CHD4: variants seen among roughly 807,000 people sequenced by gnomAD.
CHD4 encodes the protein chromodomain helicase DNA binding protein 4, also known as ATP-dependent chromatin remodeler CHD4.
Under a neutral mutation model 235.5 loss-of-function variants are expected in CHD4, and 35 were observed. That is an observed-to-expected ratio of 0.15 (90% CI 0.11 to 0.20). CHD4 has a LOEUF of 0.20. Ranked by LOEUF, CHD4 falls within the 10% of genes least tolerant of loss-of-function variation. The pLI is 1.00. For missense variants in CHD4, 1,329 were observed against 2,432.3 expected (o/e 0.55, Z 9.54); for synonymous variants, 900 against 850.2 (o/e 1.06, Z -1.02).
At chr12:6,583,717 C>T (rs1436594135) in intron 25 of CHD4, 3 of 213,618 alleles carry the variant, frequency 1.4e-5, no homozygotes, top group Non-Finnish European at 2.7e-5. Context: ...AGAGCCTTAG[C>T]AAGGCAGAAT....
chr12:6,588,742 C>T (rs1948343674), intron 22 of CHD4, among the ~76,000 whole-genome samples: 1 of 150,700 alleles, frequency 6.6e-6, no homozygotes, highest in African/African-American at 2.5e-5. Flanking sequence ...TGCACCACTG[C>T]ACTTTAGCCT....
Position 6,602,021 on chromosome 12 carries a change from TTCTCTTTC to T in CHD4, c.369_376del (p.Lys124GlufsTer15). 1 of 1,612,356 alleles carries T rather than the reference TTCTCTTTC, an allele frequency of 6.2e-7. No homozygotes were observed. Among genetic ancestry groups the T allele is most frequent in the Non-Finnish European group, 8.5e-7 (1 of 1,179,926 alleles). ...CTCCTTCCGCTTGGATTTGCTCTTCTTCTCTTTCTTAGGTCCAAGCTTCTTCTTCTTCT... is the reference window on the plus strand; with the variant it reads ...CTCCTTCCGCTTGGATTTGCTCTTCTTTAGGTCCAAGCTTCTTCTTCTTCT... On this transcript the variant is annotated frameshift_variant, in exon 4 of 40. Coordinates refer to ENST00000544040, the MANE Select transcript of CHD4 (RefSeq NM_001273.5). LOFTEE classifies it high-confidence loss of function.
At chr12:6,605,142 C>T (rs1408507843) in intron 2 of CHD4, among the ~76,000 whole-genome samples, 2 of 152,186 alleles carry the variant, frequency 1.3e-5, no homozygotes, top group Non-Finnish European at 2.9e-5. Flanking sequence ...GAAAGCATCT[C>T]TCCCAGACCA....
chr12:6,579,078 A>AGGCC, intron 33 of CHD4, 161 bp from the exon 34 acceptor site: 1 of 459,520 alleles, frequency 2.2e-6, no homozygotes, highest in Middle Eastern at 5.5e-4. Context: ...ATCTTGGGAG[A>AGGCC]CAGCAGCAGG....
intron 2 of CHD4, among the ~76,000 whole-genome samples, chr12:6,604,011 C>T (rs974245370): frequency 5.3e-5 from 8 of 152,196 alleles, no homozygotes; most frequent in Admixed American, 2.6e-4. Context: ...GGTGCAATGG[C>T]TCATGCCTGT....
chr12:6,597,209 G>A lies in CHD4; in HGVS notation c.1892+685C>T, dbSNP rs548944515. 3.0e-4 allele frequency among the ~76,000 whole-genome samples: 45 copies of A among 151,498 alleles called. 1 individual carries two copies. In the South Asian group the frequency reaches 5.2e-3, roughly 18 times the overall value. On this transcript the variant is annotated intron_variant, in intron 12 of 39. Coordinates refer to ENST00000544040, the MANE Select transcript of CHD4 (RefSeq NM_001273.5). ...GAAAATGGCGTGAACCCAGGAGGCA[G>A]AGCTTGCAGTGAGCCAAGATCACGC...
At chr12:6,595,794 A>G (rs981518544) in intron 13 of CHD4, among the ~76,000 whole-genome samples, 13 of 151,394 alleles carry the variant, frequency 8.6e-5, no homozygotes, top group Admixed American at 8.6e-4. Context: ...GTCTCAAAAA[A>G]AAAAAAAAAA....
chr12:6,600,045 C>A lies in CHD4; in HGVS notation c.1243-33G>T, dbSNP rs749935735. 3.7e-6 allele frequency: 6 copies of A among 1,606,190 alleles called. No individual in the cohort carries two copies. In the African/African-American group the frequency reaches 4.0e-5, roughly 11 times the overall value. On this transcript the variant is annotated intron_variant, in intron 9 of 39. Transcript: ENST00000544040. Reference sequence around the variant, plus strand: ...AAAGGACCACAGATTCAGATTATTACCCCCACCCGCCCACCGCAGTCTGAA... The same window carrying A: ...AAAGGACCACAGATTCAGATTATTAACCCCACCCGCCCACCGCAGTCTGAA...
intron 35 of CHD4, 34 bp from the exon 36 acceptor site, chr12:6,578,171 G>C (rs763190508): frequency 6.4e-7 from 1 of 1,561,304 alleles, no homozygotes; most frequent in Non-Finnish European, 8.8e-7. Context: ...TGGGGGTGGG[G>C]GGAAGCAAAC....
Position 6,578,494 on chromosome 12 carries a change from C to T in CHD4, c.5034G>A (p.Glu1678=), listed in dbSNP as rs1948111644. 2 of 1,613,698 alleles carry T rather than the reference C, an allele frequency of 1.2e-6. No homozygotes were observed. The highest frequency in any genetic ancestry group is 3.3e-4 in the Middle Eastern group (2 of 6,060). The change falls in exon 35 of 40, where the codon GAG becomes GAA. Residue 1678 remains glutamate (E), a synonymous_variant. Transcript: ENST00000544040. ...TCTCATCATTCAGGTCCTTGGGGGT[C>T]TCTCCATTCTGAAGCATCACCTCTT... The part of the protein sequence containing the change: ...EKKEVMLQNG[E]TPKDLNDEKQ...
chr12:6,606,656 C>T (rs865915228), intron 1 of CHD4: 19 of 330,326 alleles, frequency 5.8e-5, no homozygotes, highest in African/African-American at 4.1e-4. Context: ...GAGGGAGCGA[C>T]GCCTCCGAGG....
Position 6,597,880 on chromosome 12 carries a change from T to C in CHD4, c.1892+14A>G. 6.2e-7 allele frequency: 1 copy of C among 1,613,588 alleles called. No homozygotes were observed. Among genetic ancestry groups the C allele is most frequent in the Non-Finnish European group, 8.5e-7 (1 of 1,179,482 alleles). On this transcript the variant is annotated intron_variant, in intron 12 of 39. Coordinates refer to ENST00000544040, the MANE Select transcript of CHD4 (RefSeq NM_001273.5). The stretch of plus-strand genomic sequence containing the variant: ...CCACGGAGACTGCCCGTCTCCCGTG[T>C]GCTCAGCTGGTACCTGTGGTTGAGG...
chr12:6,592,831 T>C lies in CHD4; in HGVS notation c.2653-14A>G, dbSNP rs1394944004. On this transcript the variant is annotated splice_polypyrimidine_tract_variant and intron_variant, in intron 17 of 39. Transcript: ENST00000544040. ...TACCCGGAAGAACTGGTGAAGCAGA[T>C]GGAGAAAGGTGAAATCCAATGAAAA... is the stretch of plus-strand genomic sequence containing the variant. The C allele has an allele frequency of 6.2e-7, 1 of 1,603,852 alleles. No individual in the cohort carries two copies. Among genetic ancestry groups the C allele is most frequent in the Non-Finnish European group, 8.5e-7 (1 of 1,177,100 alleles).
intron 33 of CHD4, chr12:6,579,553 CACAT>C (rs1948136687): frequency 6.8e-6 from 1 of 146,792 alleles, no homozygotes; most frequent in African/African-American, 2.5e-5. Flanking sequence ...CACTGCACTG[CACAT>C]CAGCCTGGGC....
chr12:6,598,526 T>C (rs1340871159), intron 10 of CHD4, 101 bp from the exon 11 acceptor site: 1 of 1,039,642 alleles, frequency 9.6e-7, no homozygotes, highest in East Asian at 2.4e-5. Flanking sequence ...AGATCTCATT[T>C]CAGACCTGGA....
At chr12:6,601,211 A>G in intron 6 of CHD4, 78 bp downstream of exon 6, 1 of 1,574,288 alleles carries the variant, frequency 6.4e-7, no homozygotes, top group Non-Finnish European at 8.7e-7. Flanking sequence ...TAGGGCTGAC[A>G]GACCAGCATT....
Position 6,596,055 on chromosome 12 carries a change from C to T in CHD4, c.1975G>A (p.Val659Met), listed in dbSNP as rs1948488734. The T allele has an allele frequency of 1.2e-6, 2 of 1,613,872 alleles. No homozygotes were observed. The highest frequency in any genetic ancestry group is 2.2e-5 in the East Asian group (1 of 44,874). ...YDQASWESED[V>M]EIQDYDLFKQ... ...AACAGGTCGTAATCCTGGATCTCCA[C>T]ATCCTCACTCTCCCAAGAAGCCTGA... The change falls in exon 13 of 40, where the codon GTG becomes ATG. Residue 659 changes from valine (V) to methionine (M), a missense_variant. Physicochemically the swap from Val to Met is conservative, Grantham distance 21. Coordinates refer to ENST00000544040, the MANE Select transcript of CHD4 (RefSeq NM_001273.5).
chr12:6,579,419 T>C (rs1374554336), intron 33 of CHD4: 6 of 175,734 alleles, frequency 3.4e-5, no homozygotes, highest in South Asian at 1.2e-4. Flanking sequence ...ACCCCATCTC[T>C]ACTAAAATAC....
rs1461716797 is a variant in CHD4 at position 6,570,956 on chromosome 12, A to G, written c.5634T>C (p.Ile1878=). ...VTRLPATIAR[I]PPVAVRLQMS... is the part of the protein sequence containing the mutation. ...TCTGTAACCTCACAGCAACTGGGGG[A>G]ATTCGGGCAATGGTAGCTGGGAGTC... Residue 1878 remains isoleucine, a synonymous_variant, in exon 39 of 40, where the codon ATT becomes ATC. Transcript: ENST00000544040. 5.0e-6 allele frequency: 8 copies of G among 1,614,042 alleles called. No individual in the cohort carries two copies. Among genetic ancestry groups the G allele is most frequent in the Non-Finnish European group, 6.8e-6 (8 of 1,180,038 alleles).
Sources: gnomAD v4.1 joint callset for allele counts (sites outside exome capture counted in the v4.1 genomes callset) on GRCh38, gnomAD v4.1.1 for gene constraint, MANE v1.5 for transcripts, NCBI Gene and HGNC (gene_info 2026-07-23, HGNC 2026-07-21) for gene names.